Variants in CAMK4 observed in about 807,000 individuals in gnomAD.
CAMK4 encodes calcium/calmodulin dependent protein kinase IV.
A neutral mutation model predicts 44.9 loss-of-function variants in CAMK4; 22 were observed. The ratio of observed to expected loss-of-function variants is 0.49; its 90% CI spans 0.35 to 0.70. The LOEUF is 0.70. CAMK4 is among the 30% of genes least tolerant of loss of function. CAMK4 has a pLI of 0.01. For synonymous variants in CAMK4, 218 were observed against 215.4 expected (o/e 1.01, Z -0.11); for missense variants, 498 against 586.8 (o/e 0.85, Z 1.56).
intron 7 of CAMK4, among the ~76,000 whole-genome samples, chr5:111,465,556 A>G (rs1026940998): frequency 1.3e-5 from 2 of 152,208 alleles, no homozygotes; most frequent in Non-Finnish European, 2.9e-5. Context: ...GCAAAAGATC[A>G]TTCAGGGCTA....
chr5:111,425,965 C>G (rs1297350057), intron 5 of CAMK4, among the ~76,000 whole-genome samples: 1 of 152,060 alleles, frequency 6.6e-6, no homozygotes, highest in Non-Finnish European at 1.5e-5. Context: ...TAGTGTGATA[C>G]TGTATGGAGT....
At chr5:111,364,814 A>G (rs115514659) in intron 2 of CAMK4, 1,592 of 152,232 alleles carry the variant, frequency 0.01, 17 homozygotes, top group Non-Finnish European at 0.015. Context: ...GCTCAAAGAC[A>G]AGCTTATCTG....
At chr5:111,348,628 G>A (rs1749966260) in intron 2 of CAMK4, among the ~76,000 whole-genome samples, 1 of 151,860 alleles carries the variant, frequency 6.6e-6, no homozygotes, top group African/African-American at 2.4e-5. Context: ...CTTTCAAATG[G>A]TTAAACAACA....
chr5:111,370,476 G>A (rs1003521293), intron 2 of CAMK4, among the ~76,000 whole-genome samples: 9 of 152,002 alleles, frequency 5.9e-5, no homozygotes, highest in Non-Finnish European at 8.8e-5. Context: ...GGCGGGTGTG[G>A]GAGTGGGAGA....
intron 1 of CAMK4, among the ~76,000 whole-genome samples, chr5:111,298,513 G>T (rs1747581803): frequency 1.3e-5 from 2 of 152,170 alleles, no homozygotes; most frequent in African/African-American, 4.8e-5. Flanking sequence ...AGTGGACGTA[G>T]AGTGGAGATA....
chr5:111,386,546 A>T (rs964520843), intron 4 of CAMK4, among the ~76,000 whole-genome samples: 2 of 152,210 alleles, frequency 1.3e-5, no homozygotes, highest in African/African-American at 4.8e-5. Flanking sequence ...AACTGCCTGG[A>T]TGGAGATGAG....
chr5:111,453,019 G>A (rs535815410), intron 7 of CAMK4, among the ~76,000 whole-genome samples: 10 of 152,262 alleles, frequency 6.6e-5, no homozygotes, highest in South Asian at 4.2e-4. Flanking sequence ...TTATATAGGC[G>A]GGGGCAGTCT....
chr5:111,449,488 G>C, intron 7 of CAMK4: 1 of 228,644 alleles, frequency 4.4e-6, no homozygotes, highest in Non-Finnish European at 8.4e-6. Flanking sequence ...CAGAGGGCAA[G>C]GAAACACCAT....
At chr5:111,280,397 G>T (rs528122258) in intron 1 of CAMK4, among the ~76,000 whole-genome samples, 1 of 152,258 alleles carries the variant, frequency 6.6e-6, no homozygotes, top group Admixed American at 6.5e-5. Context: ...TATTTTTTGG[G>T]ACTCAAAGTA....
intron 1 of CAMK4, among the ~76,000 whole-genome samples, chr5:111,271,580 A>G (rs1750521027): frequency 6.6e-6 from 1 of 152,246 alleles, no homozygotes; most frequent in African/African-American, 2.4e-5. Context: ...GCTGGAAGTC[A>G]GATGGATGTG....
At chr5:111,377,010 A>C in intron 4 of CAMK4, 68 bp downstream of exon 4, 1 of 930,208 alleles carries the variant, frequency 1.1e-6, no homozygotes, top group Non-Finnish European at 1.7e-6. Context: ...AATCTAAAGG[A>C]CATTTCTCCT....
At chr5:111,436,773 C>T (rs1006297972) in intron 5 of CAMK4, among the ~76,000 whole-genome samples, 3 of 152,194 alleles carry the variant, frequency 2.0e-5, no homozygotes, top group Non-Finnish European at 4.4e-5. Context: ...CTTTAATACA[C>T]TGACCAGTAC....
intron 5 of CAMK4, among the ~76,000 whole-genome samples, chr5:111,433,377 CTA>C (rs1185249151): frequency 2.0e-5 from 3 of 152,194 alleles, no homozygotes; most frequent in African/African-American, 7.2e-5. Flanking sequence ...CTTGATGAAA[CTA>C]TGTTGCCCAG....
At chr5:111,243,320 G>C (rs1266973299) in intron 1 of CAMK4, among the ~76,000 whole-genome samples, 4 of 152,180 alleles carry the variant, frequency 2.6e-5, no homozygotes, top group African/African-American at 9.7e-5. Context: ...GGGTGATCAG[G>C]CATCACCTGG....
At chr5:111,450,273 G>A (rs933026463) in intron 7 of CAMK4, among the ~76,000 whole-genome samples, 2 of 152,182 alleles carry the variant, frequency 1.3e-5, no homozygotes, top group Non-Finnish European at 2.9e-5. Flanking sequence ...GGCGGAGGTT[G>A]CAGTGAGCCA....
intron 5 of CAMK4, among the ~76,000 whole-genome samples, chr5:111,445,070 AC>A (rs1179735026): frequency 1.3e-5 from 2 of 152,082 alleles, no homozygotes; most frequent in Non-Finnish European, 2.9e-5. Context: ...GTATGCCTTG[AC>A]TCCACAACTG....
intron 1 of CAMK4, among the ~76,000 whole-genome samples, chr5:111,251,297 A>G (rs1268700132): frequency 6.6e-6 from 1 of 152,196 alleles, no homozygotes; most frequent in African/African-American, 2.4e-5. Flanking sequence ...TTCATTCTTC[A>G]TTGACTAAGA....
Position 111,494,359 on chromosome 5 carries a change from C to T in CAMK4, c.*9893C>T, listed in dbSNP as rs1755983561. On this transcript the variant is annotated 3_prime_UTR_variant, in exon 11 of 11. Coordinates refer to ENST00000282356, the MANE Select transcript of CAMK4 (RefSeq NM_001744.6). ...ATATGGTGCTATTGACTACTTAATA[C>T]AAAGATATATTACAATATTTTTAGG... is the stretch of plus-strand genomic sequence containing the variant. 1 of 152,090 alleles carries T rather than the reference C, an allele frequency of 6.6e-6. No homozygotes were observed. 9.4% of individuals were successfully genotyped at this position (152,090 alleles called of 1,614,324 possible).
chr5:111,244,732 G>A lies in CAMK4; in HGVS notation c.161+20088G>A, dbSNP rs562929117. On this transcript the variant is annotated intron_variant, in intron 1 of 10. Coordinates refer to ENST00000282356, the MANE Select transcript of CAMK4 (RefSeq NM_001744.6). ...AAAAATTAGCCGGGCATGGTGGTGC[G>A]TGCCTGTAGTCCCAGCTACTTGGGG... Among the ~76,000 whole-genome samples the A allele has an allele frequency of 5.1e-4, 78 of 152,088 alleles. 2 individuals carry two copies. The East Asian group carries it at 0.014, about 28-fold the overall frequency.
Sources: allele counts gnomAD v4.1 joint callset (sites outside exome capture counted in the v4.1 genomes callset), GRCh38; gene constraint gnomAD v4.1.1; transcripts MANE v1.5; gene names NCBI Gene and HGNC (gene_info 2026-07-23, HGNC 2026-07-21).